RAPGEF2: variants seen among roughly 807,000 people sequenced by gnomAD.
RAPGEF2 encodes PDZ domain containing guanine nucleotide exchange factor (GEF) 1.
RAPGEF2 carries 54 observed loss-of-function variants against 186.7 expected under a neutral mutation model. That is an observed-to-expected ratio of 0.29 (90% CI 0.23 to 0.36). The LOEUF is 0.36. Ranked by LOEUF, RAPGEF2 falls within the 10% of genes least tolerant of loss-of-function variation. The pLI is 1.00. For synonymous variants in RAPGEF2, 712 were observed against 705.9 expected, an observed-to-expected ratio of 1.01 and a Z score of -0.14; for missense variants, 1,532 against 2,045.0, an observed-to-expected ratio of 0.75 and a Z score of 4.84.
intron 22 of RAPGEF2, among the ~76,000 whole-genome samples, chr4:159,343,638 T>C (rs1307837156): frequency 1.3e-5 from 2 of 152,226 alleles, no homozygotes; most frequent in Non-Finnish European, 2.9e-5. Flanking sequence ...ATTTTCAATG[T>C]AATAGACACA....
chr4:159,212,742 G>T (rs898740237), intron 4 of RAPGEF2, among the ~76,000 whole-genome samples: 7 of 152,194 alleles, frequency 4.6e-5, no homozygotes, highest in African/African-American at 1.7e-4. Flanking sequence ...CTTAAAAAGA[G>T]CACTGATTGT....
At chr4:159,118,748 C>G (rs1205925003) in intron 1 of RAPGEF2, among the ~76,000 whole-genome samples, 1 of 151,636 alleles carries the variant, frequency 6.6e-6, no homozygotes, top group Admixed American at 6.6e-5. Context: ...TCCTTGCCTG[C>G]AAATTTTGGT....
intron 7 of RAPGEF2, among the ~76,000 whole-genome samples, chr4:159,285,908 G>A (rs1314279227): frequency 6.6e-6 from 1 of 152,058 alleles, no homozygotes; most frequent in Non-Finnish European, 1.5e-5. Flanking sequence ...ACATCAATTG[G>A]TTGATTATAA....
chr4:159,136,247 A>C (rs1024818654), intron 1 of RAPGEF2, among the ~76,000 whole-genome samples: 2 of 152,236 alleles, frequency 1.3e-5, no homozygotes, highest in Non-Finnish European at 2.9e-5. Context: ...CACTTGGCAC[A>C]GTTCTCCAAA....
chr4:159,174,611 A>C (rs1746259564), intron 1 of RAPGEF2, among the ~76,000 whole-genome samples: 1 of 152,228 alleles, frequency 6.6e-6, no homozygotes, highest in Non-Finnish European at 1.5e-5. Flanking sequence ...TGCCTTTTTC[A>C]GTGGAAAACA....
chr4:159,183,782 T>G (rs1249739887), intron 1 of RAPGEF2, among the ~76,000 whole-genome samples: 1 of 152,234 alleles, frequency 6.6e-6, no homozygotes, highest in Non-Finnish European at 1.5e-5. Flanking sequence ...AGGGTACATG[T>G]GCACAACATG....
At chr4:159,209,429 G>C (rs918890451) in intron 3 of RAPGEF2, among the ~76,000 whole-genome samples, 1 of 152,220 alleles carries the variant, frequency 6.6e-6, no homozygotes, top group Non-Finnish European at 1.5e-5. Flanking sequence ...CATGGCCTTT[G>C]CACTCACACT....
At chr4:159,183,297 A>G (rs942221462) in intron 1 of RAPGEF2, among the ~76,000 whole-genome samples, 2 of 152,248 alleles carry the variant, frequency 1.3e-5, no homozygotes, top group Admixed American at 6.5e-5. Flanking sequence ...TTCAGTGAGC[A>G]TACCATTACA....
Position 159,331,791 on chromosome 4 carries a change from A to G in RAPGEF2, c.1737A>G (p.Ser579=), listed in dbSNP as rs773917188. ...GAATCTTTGTTGACAGTGTAGATTC[A>G]GGTAGCAAAGCAACTGAAGCAGGCT... The part of the protein sequence containing the change: ...GFGIFVDSVD[S]GSKATEAGLK... The change falls in exon 15 of 30, where the codon TCA becomes TCG. Residue 579 remains serine (S), a synonymous_variant. Transcript: ENST00000691494. 23 of 1,613,450 alleles carry G rather than the reference A, an allele frequency of 1.4e-5. No individual in the cohort carries two copies. Among genetic ancestry groups the G allele is most frequent in the African/African-American group, 2.7e-5 (2 of 74,676 alleles).
At chr4:159,309,241 T>G (rs1763667101) in intron 8 of RAPGEF2, among the ~76,000 whole-genome samples, 1 of 152,196 alleles carries the variant, frequency 6.6e-6, no homozygotes, top group Non-Finnish European at 1.5e-5. Flanking sequence ...AGTTGTTCCT[T>G]TATAATCCTC....
intron 4 of RAPGEF2, among the ~76,000 whole-genome samples, chr4:159,226,585 A>G (rs1338998790): frequency 6.6e-6 from 1 of 152,218 alleles, no homozygotes; most frequent in East Asian, 1.9e-4. Context: ...TCTTAACAAT[A>G]TTGAGCTTTC....
intron 7 of RAPGEF2, among the ~76,000 whole-genome samples, chr4:159,251,951 G>A (rs7669965): frequency 0.26 from 40,202 of 151,752 alleles, 6,176 homozygotes; most frequent in African/African-American, 0.42. Context: ...AACACTCACC[G>A]CGGAGGTCTG....
intron 9 of RAPGEF2, among the ~76,000 whole-genome samples, chr4:159,316,019 A>C (rs1255070355): frequency 2.0e-5 from 3 of 152,116 alleles, no homozygotes; most frequent in Non-Finnish European, 4.4e-5. Flanking sequence ...CGGTCTGCTA[A>C]GTAGCCGGTG....
chr4:159,195,813 A>G (rs1440200403), intron 3 of RAPGEF2, among the ~76,000 whole-genome samples: 1 of 151,646 alleles, frequency 6.6e-6, no homozygotes, highest in African/African-American at 2.4e-5. Context: ...ATGACTGCCT[A>G]ACAATTATTA....
At chr4:159,237,512 T>C (rs1271241658) in intron 4 of RAPGEF2, among the ~76,000 whole-genome samples, 1 of 152,076 alleles carries the variant, frequency 6.6e-6, no homozygotes, top group Non-Finnish European at 1.5e-5. Flanking sequence ...TCTGTTTTCT[T>C]CCTCTTACGT....
chr4:159,339,028 G>A, intron 18 of RAPGEF2, 86 bp from the exon 19 acceptor site: 1 of 1,473,900 alleles, frequency 6.8e-7, no homozygotes, highest in Non-Finnish European at 9.2e-7. Context: ...TTTTCTTAAG[G>A]AGCTTTTTTC....
intron 10 of RAPGEF2, among the ~76,000 whole-genome samples, chr4:159,322,783 A>G (rs1056819972): frequency 1.3e-5 from 2 of 152,166 alleles, no homozygotes; most frequent in African/African-American, 4.8e-5. Context: ...TGGCAGTGGC[A>G]AGAGGAAAAA....
intron 7 of RAPGEF2, among the ~76,000 whole-genome samples, chr4:159,291,556 A>G (rs997988922): frequency 6.6e-6 from 1 of 152,198 alleles, no homozygotes; most frequent in East Asian, 1.9e-4. Context: ...TCAACCTTCC[A>G]AAGTGCTGGG....
At chr4:159,252,456 T>C (rs1019952541) in intron 7 of RAPGEF2, among the ~76,000 whole-genome samples, 1 of 152,234 alleles carries the variant, frequency 6.6e-6, no homozygotes, top group Non-Finnish European at 1.5e-5. Context: ...TTTGTTAATT[T>C]ATGAAATAAG....
Sources: allele counts gnomAD v4.1 joint callset (sites outside exome capture counted in the v4.1 genomes callset), GRCh38; gene constraint gnomAD v4.1.1; transcripts MANE v1.5; gene names NCBI Gene and HGNC (gene_info 2026-07-23, HGNC 2026-07-21).